Variants in FBXL20 observed in about 807,000 individuals in gnomAD.
FBXL20 encodes the protein F-box/LRR-repeat protein 20.
Under a neutral mutation model 64.0 loss-of-function variants are expected in FBXL20, and 11 were observed. That is an observed-to-expected ratio of 0.17 (90% confidence interval 0.11 to 0.28). The LOEUF is 0.28. FBXL20 is among the 10% of genes least tolerant of loss of function. The pLI, the probability that FBXL20 is intolerant of heterozygous loss-of-function variation, is 1.00. For missense variants in FBXL20, 303 were observed against 526.2 expected, an observed-to-expected ratio of 0.58 and a Z score of 4.15; for synonymous variants, 184 against 189.0, an observed-to-expected ratio of 0.97 and a Z score of 0.22.
intron 6 of FBXL20, among the ~76,000 whole-genome samples, chr17:39,294,224 C>T (rs983963923): frequency 1.3e-5 from 2 of 151,942 alleles, no homozygotes; most frequent in African/African-American, 4.8e-5. Flanking sequence ...GTCCTCCTGC[C>T]TCAGTCTCCC....
At chr17:39,280,308 TAGG>T (rs2046937559) in intron 9 of FBXL20, among the ~76,000 whole-genome samples, 2 of 114,776 alleles carry the variant, frequency 1.7e-5, no homozygotes, top group East Asian at 2.4e-4. Context: ...GAGGCAGAGG[TAGG>T]AGAATTGTTT....
intron 2 of FBXL20, among the ~76,000 whole-genome samples, chr17:39,321,302 A>G (rs1460381617): frequency 6.6e-6 from 1 of 151,364 alleles, no homozygotes; most frequent in Non-Finnish European, 1.5e-5. Flanking sequence ...AAATACAAAA[A>G]TTAGCCGGGC....
intron 1 of FBXL20, among the ~76,000 whole-genome samples, chr17:39,388,599 T>G (rs1164075781): frequency 6.7e-6 from 1 of 150,174 alleles, no homozygotes; most frequent in Non-Finnish European, 1.5e-5. Context: ...TTCTCCTGCC[T>G]CAGCCTCCCG....
intron 1 of FBXL20, among the ~76,000 whole-genome samples, chr17:39,392,438 C>CAAAAAAAAAAAAAAAAA (rs67507209): frequency 9.6e-6 from 1 of 104,004 alleles, no homozygotes; most frequent in Admixed American, 1.0e-4. Flanking sequence ...AGATTGTCTC[C>CAAAAAAAAAAAAAAAAA]AAAAAAAAAA....
rs2046998163 is a variant in FBXL20 at position 39,287,345 on chromosome 17, G to C, written c.399-1772C>G. On this transcript the variant is annotated intron_variant, in intron 6 of 14. Transcript: ENST00000264658. ...TGTTCAAATTAGGATCCAAACAAGA[G>C]TCACACATTCTCTTTGGCTGATATG... Among the ~76,000 whole-genome samples, 3 of 152,160 alleles carry C rather than the reference G, an allele frequency of 2.0e-5. No homozygotes were observed. In the South Asian group the frequency reaches 6.2e-4, roughly 31 times the overall value.
intron 2 of FBXL20, among the ~76,000 whole-genome samples, chr17:39,311,832 C>T (rs943264493): frequency 6.6e-6 from 1 of 152,132 alleles, no homozygotes; most frequent in Non-Finnish European, 1.5e-5. Context: ...AGAGGCTTTA[C>T]AAGCAATGAT....
At chr17:39,331,077 G>A (rs767035189) in intron 2 of FBXL20, among the ~76,000 whole-genome samples, 4 of 152,218 alleles carry the variant, frequency 2.6e-5, no homozygotes, top group African/African-American at 4.8e-5. Flanking sequence ...GGGACTACAC[G>A]CATGTGCCAC....
chr17:39,286,101 T>C (rs2046986118), intron 6 of FBXL20, among the ~76,000 whole-genome samples: 3 of 152,240 alleles, frequency 2.0e-5, no homozygotes, highest in African/African-American at 7.2e-5. Context: ...AAGACTTTTT[T>C]CTGCTGGTCA....
chr17:39,343,278 A>C, intron 1 of FBXL20, 37 bp from the exon 2 acceptor site: 1 of 1,415,670 alleles, frequency 7.1e-7, no homozygotes, highest in Non-Finnish European at 9.7e-7. Flanking sequence ...GTGTTACTTA[A>C]CATTTTATTA....
At chr17:39,393,404 A>C (rs575081346) in intron 1 of FBXL20, among the ~76,000 whole-genome samples, 63 of 152,240 alleles carry the variant, frequency 4.1e-4, no homozygotes, top group African/African-American at 1.4e-3. Flanking sequence ...ATACCAACAA[A>C]CACCACAGTG....
intron 1 of FBXL20, among the ~76,000 whole-genome samples, chr17:39,363,351 T>TCC (rs1189189953): frequency 4.6e-5 from 7 of 151,736 alleles, no homozygotes; most frequent in African/African-American, 1.7e-4. Context: ...AGACAGGGTC[T>TCC]CCCTATGTTG....
At chr17:39,288,864 C>T (rs142964173) in intron 6 of FBXL20, among the ~76,000 whole-genome samples, 25 of 152,092 alleles carry the variant, frequency 1.6e-4, no homozygotes, top group East Asian at 5.8e-4. Flanking sequence ...CCGCCACACT[C>T]GGCTAATTTT....
intron 2 of FBXL20, among the ~76,000 whole-genome samples, chr17:39,309,103 C>G (rs2047209140): frequency 6.6e-6 from 1 of 152,172 alleles, no homozygotes; most frequent in Non-Finnish European, 1.5e-5. Flanking sequence ...TATGGCCAAT[C>G]ACTATTCTTG....
At chr17:39,371,487 G>A (rs1268754830) in intron 1 of FBXL20, among the ~76,000 whole-genome samples, 1 of 151,880 alleles carries the variant, frequency 6.6e-6, no homozygotes, top group Non-Finnish European at 1.5e-5. Flanking sequence ...AGGAGATGGG[G>A]AACTACACTA....
chr17:39,252,887 G>A lies in FBXL20; in HGVS notation c.*8573C>T, dbSNP rs933707479. The A allele has an allele frequency of 5.3e-5, 8 of 151,640 alleles. No homozygotes were observed. The highest frequency in any genetic ancestry group is 1.2e-4 in the African/African-American group (5 of 41,296). 9.4% of individuals were successfully genotyped at this position (151,640 alleles called of 1,614,324 possible). A position where few individuals can be genotyped will look rare whatever the true frequency, so the allele number is the denominator to read the frequency against. ...CCCATCCTCAAGCGCCAAAAGTACTGGGTGGAAACAGTCACTTGGAGAGCT... is the reference window on the plus strand; with the variant it reads ...CCCATCCTCAAGCGCCAAAAGTACTAGGTGGAAACAGTCACTTGGAGAGCT... On this transcript the variant is annotated 3_prime_UTR_variant, in exon 15 of 15. Coordinates refer to ENST00000264658, the MANE Select transcript of FBXL20 (RefSeq NM_032875.3).
intron 1 of FBXL20, among the ~76,000 whole-genome samples, chr17:39,377,797 C>T (rs2047982573): frequency 6.6e-6 from 1 of 152,182 alleles, no homozygotes; most frequent in East Asian, 1.9e-4. Context: ...GCCACCGTGC[C>T]CAGCCTGCAA....
chr17:39,293,656 T>TG (rs2047060572), intron 6 of FBXL20, among the ~76,000 whole-genome samples: 1 of 152,192 alleles, frequency 6.6e-6, no homozygotes, highest in Non-Finnish European at 1.5e-5. Context: ...TTCTCCATTT[T>TG]GGGTGGGTGG....
chr17:39,335,848 A>C (rs1490033714), intron 2 of FBXL20, among the ~76,000 whole-genome samples: 1 of 152,138 alleles, frequency 6.6e-6, no homozygotes, highest in East Asian at 1.9e-4. Flanking sequence ...ATCAGTATAA[A>C]AGGGGAAACA....
chr17:39,300,874 A>T, intron 4 of FBXL20, 127 bp downstream of exon 4: 1 of 829,706 alleles, frequency 1.2e-6, no homozygotes, highest in Admixed American at 3.1e-5. Flanking sequence ...GTTCCTGTAA[A>T]GTTCAGATGC....
Sources: allele counts gnomAD v4.1 joint callset (sites outside exome capture counted in the v4.1 genomes callset), GRCh38; gene constraint gnomAD v4.1.1; transcripts MANE v1.5; gene names NCBI Gene and HGNC (gene_info 2026-07-23, HGNC 2026-07-21).